The following ZNF239 variants were observed in gnomAD, a reference collection of about 807,000 sequenced individuals.
The protein encoded by ZNF239 is zinc finger protein 239.
ZNF239 carries 16 observed loss-of-function variants against 27.5 expected under a neutral mutation model. That is an observed-to-expected ratio of 0.58 (90% CI 0.39 to 0.88). ZNF239 has a LOEUF of 0.88. Ranked by LOEUF, ZNF239 falls within the 40% of genes least tolerant of loss-of-function variation. The pLI, the probability that ZNF239 is intolerant of heterozygous loss-of-function variation, is 0.00. For missense variants in ZNF239, 527 were observed against 551.9 expected, an observed-to-expected ratio of 0.95 and a Z score of 0.45; for synonymous variants, 199 against 192.6, an observed-to-expected ratio of 1.03 and a Z score of -0.27.
At chr10:43,568,533 T>A (rs1278393745) in intron 2 of ZNF239, 1 of 886,900 alleles carries the variant, frequency 1.1e-6, no homozygotes, top group Non-Finnish European at 1.4e-6. Context: ...TCACTTCCTA[T>A]GCTTTCTGTT....
chr10:43,570,144 G>C lies in ZNF239; in HGVS notation c.-215-2123C>G, dbSNP rs533721700. 3.0e-6 allele frequency: 3 copies of C among 983,788 alleles called. No homozygotes were observed. The African/African-American group carries it at 5.2e-5, about 17-fold the overall frequency. 60.9% of individuals were successfully genotyped at this position (983,788 alleles called of 1,614,324 possible). A position where few individuals can be genotyped will look rare whatever the true frequency, so the allele number is the denominator to read the frequency against. Reference sequence around the variant, plus strand: ...AGAGGCACCACTCCCTCCTTCCTTGGGCCTGCCCTGCAGGAGTGACATGAC... The same window carrying C: ...AGAGGCACCACTCCCTCCTTCCTTGCGCCTGCCCTGCAGGAGTGACATGAC... On this transcript the variant is annotated intron_variant, in intron 2 of 3. Transcript: ENST00000374446.
chr10:43,567,862 A>T (rs2132290021), intron 3 of ZNF239, 37 bp downstream of exon 3: 3 of 966,578 alleles, frequency 3.1e-6, no homozygotes, highest in Non-Finnish European at 3.7e-6. Context: ...CAAAGAAGCC[A>T]ATGGGCAGGT....
At chr10:43,570,686 T>TA in intron 2 of ZNF239, 1 of 939,618 alleles carries the variant, frequency 1.1e-6, no homozygotes, top group South Asian at 4.9e-5. Context: ...TCCAATGTGT[T>TA]ACCTCTTTTC....
chr10:43,573,266 C>A (rs183231845), intron 2 of ZNF239, among the ~76,000 whole-genome samples: 4 of 152,122 alleles, frequency 2.6e-5, no homozygotes, highest in Non-Finnish European at 5.9e-5. Flanking sequence ...AGAAAAGCAC[C>A]GTGGTTTATC....
Position 43,557,903 on chromosome 10 carries a change from T to C in ZNF239, c.177A>G (p.Glu59=). ...TLQSGCFENI[E]SETYLPLKVS... ...CTTTCAAAGGCAAATATGTTTCACT[T>C]TCAATGTTTTCGAAACAACCACTTT... The change falls in exon 4 of 4, where the codon GAA becomes GAG. Residue 59 remains glutamate (E), a synonymous_variant. Transcript: ENST00000374446. 1 of 1,614,220 alleles carries C rather than the reference T, an allele frequency of 6.2e-7. No homozygotes were observed. The highest frequency in any genetic ancestry group is 2.2e-5 in the East Asian group (1 of 44,888).
rs759555508 is a variant in ZNF239 at position 43,557,927 on chromosome 10, TTGAAGAGTCATCACACTG to T, written c.135_152del (p.Asp45_Gln51delinsGlu). ...TTTCAATGTTTTCGAAACAACCACT[TTGAAGAGTCATCACACTG>T]TCCCTGTTTCTGGAAATAGGAGAAG... On this transcript the variant is annotated inframe_deletion, in exon 4 of 4. Transcript: ENST00000374446. 1.9e-6 allele frequency: 3 copies of T among 1,614,208 alleles called. No homozygotes were observed. Among genetic ancestry groups the T allele is most frequent in the Non-Finnish European group, 2.5e-6 (3 of 1,180,030 alleles).
rs979968035 is a variant in ZNF239, at chr10:43,556,457, G to C, written c.*246C>G. The stretch of plus-strand genomic sequence containing the variant: ...GTTAAAATGCTGGGTAGAACATGTA[G>C]TTGAATTGTAAAGTACAGACACTTT... On this transcript the variant is annotated 3_prime_UTR_variant, in exon 4 of 4. Coordinates refer to ENST00000374446, the MANE Select transcript of ZNF239 (RefSeq NM_001099282.2). The C allele has an allele frequency of 1.5e-5, 7 of 455,818 alleles. No homozygotes were observed. Among genetic ancestry groups the C allele is most frequent in the African/African-American group, 1.2e-4 (6 of 52,140 alleles). The allele number at this position is 455,818 out of a possible 1,614,324, so 28.2% of individuals were successfully genotyped here. A position where few individuals can be genotyped will look rare whatever the true frequency, so the allele number is the denominator to read the frequency against.
chr10:43,562,484 A>C (rs1243148093), intron 3 of ZNF239, among the ~76,000 whole-genome samples: 5 of 152,264 alleles, frequency 3.3e-5, no homozygotes, highest in Non-Finnish European at 5.9e-5. Context: ...TACAGACATG[A>C]AAGAAACTTT....
Position 43,557,043 on chromosome 10 carries a change from G to C in ZNF239, c.1037C>G (p.Pro346Arg), listed in dbSNP as rs766276759. 8 of 1,613,796 alleles carry C rather than the reference G, an allele frequency of 5.0e-6. No individual in the cohort carries two copies. The highest frequency in any genetic ancestry group is 6.8e-6 in the Non-Finnish European group (8 of 1,179,962). The part of the protein sequence containing the change: ...IHQRVHTGER[P>R]YKCGECGKGF... ...CTTCCCACACTCACCACACTTGTAG[G>C]GCCTCTCTCCTGTGTGTACTCGCTG... The change falls in exon 4 of 4, where the codon CCC (proline) becomes CGC (arginine). Residue 346 changes from proline to arginine, a missense_variant. Coordinates refer to ENST00000374446, the MANE Select transcript of ZNF239 (RefSeq NM_001099282.2).
Position 43,568,535 on chromosome 10 carries a change from C to T in ZNF239, c.-215-514G>A, listed in dbSNP as rs1263401899. On this transcript the variant is annotated intron_variant, in intron 2 of 3. Transcript: ENST00000374446. ...TACAAGTTAAAAATCACTTCCTATGCTTTCTGTTCTTCCTCTTCTAAACTA... is the reference window on the plus strand; with the variant it reads ...TACAAGTTAAAAATCACTTCCTATGTTTTCTGTTCTTCCTCTTCTAAACTA... 5 of 862,668 alleles carry T rather than the reference C, an allele frequency of 5.8e-6. No individual in the cohort carries two copies. The East Asian group carries it at 6.1e-4, about 105-fold the overall frequency. 53.4% of individuals were successfully genotyped at this position (862,668 alleles called of 1,614,324 possible). A position where few individuals can be genotyped will look rare whatever the true frequency, so the allele number is the denominator to read the frequency against.
At chr10:43,568,231 C>T in intron 2 of ZNF239, 1 of 985,462 alleles carries the variant, frequency 1.0e-6, no homozygotes, top group African/African-American at 1.7e-5. Flanking sequence ...TCCCTCCTGC[C>T]CACAACATAT....
intron 3 of ZNF239, chr10:43,564,398 C>A: frequency 2.4e-6 from 1 of 423,426 alleles, no homozygotes; most frequent in Non-Finnish European, 3.2e-6. Context: ...CTAATTTTTA[C>A]CCTATTTTAA....
At chr10:43,564,532 A>C (rs1353473480) in intron 3 of ZNF239, among the ~76,000 whole-genome samples, 2 of 152,064 alleles carry the variant, frequency 1.3e-5, no homozygotes, top group African/African-American at 4.8e-5. Flanking sequence ...AGAAGAGAGA[A>C]ATTTTTTTTA....
At chr10:43,564,136 T>G (rs971781483) in intron 3 of ZNF239, 1 of 212,000 alleles carries the variant, frequency 4.7e-6, no homozygotes, top group African/African-American at 2.4e-5. Context: ...GTTCTTCCCC[T>G]CCCTAGCCAC....
At chr10:43,562,775 C>G (rs1345894597) in intron 3 of ZNF239, among the ~76,000 whole-genome samples, 1 of 151,652 alleles carries the variant, frequency 6.6e-6, no homozygotes, top group Non-Finnish European at 1.5e-5. Context: ...AAAGTAATGG[C>G]AAAAATGAAA....
chr10:43,563,950 T>G (rs916136526), intron 3 of ZNF239, among the ~76,000 whole-genome samples: 4 of 152,056 alleles, frequency 2.6e-5, no homozygotes, highest in Admixed American at 2.0e-4. Context: ...TGTACCACCA[T>G]GCCTGGCTAA....
rs969706771 is a variant in ZNF239, at chr10:43,558,006, A to G, written c.74T>C (p.Leu25Pro). The change falls in exon 4 of 4, where the codon CTA (leucine) becomes CCA (proline). Residue 25 changes from leucine (L) to proline (P), a missense_variant. By Grantham distance (98) the Leu-to-Pro change is moderately conservative. Transcript: ENST00000374446. The stretch of plus-strand genomic sequence containing the variant: ...CCACTGTTGACAAGGGGAAATATCT[A>G]GTTCAGGCTCCCCATCCACTTCCCC... ...HRGEVDGEPE[L>P]DISPCQQWGE... is the part of the protein sequence containing the mutation. 2 of 1,614,166 alleles carry G rather than the reference A, an allele frequency of 1.2e-6. No individual in the cohort carries two copies. The highest frequency in any genetic ancestry group is 1.7e-6 in the Non-Finnish European group (2 of 1,180,024).
chr10:43,572,471 T>A (rs1415783220), intron 2 of ZNF239, among the ~76,000 whole-genome samples: 1 of 152,240 alleles, frequency 6.6e-6, no homozygotes, highest in Non-Finnish European at 1.5e-5. Context: ...AAACATTTTT[T>A]TTCCCTTAAA....
chr10:43,570,232 T>C (rs1350584902), intron 2 of ZNF239: 3 of 985,178 alleles, frequency 3.0e-6, no homozygotes, highest in Non-Finnish European at 3.6e-6. Flanking sequence ...ATGGGTGCTG[T>C]CTCCCAAGCT....
Sources: allele counts gnomAD v4.1 joint callset (sites outside exome capture counted in the v4.1 genomes callset), GRCh38; gene constraint gnomAD v4.1.1; transcripts MANE v1.5; gene names NCBI Gene and HGNC (gene_info 2026-07-23, HGNC 2026-07-21).